The following PARD3B variants were observed in gnomAD, a reference collection of about 807,000 sequenced individuals.
PARD3B encodes the protein partitioning defective 3 homolog B.
In PARD3B, 103 loss-of-function variants were observed where a neutral mutation model predicts 130.2. That is an observed-to-expected ratio of 0.79 (90% confidence interval 0.67 to 0.93). The LOEUF is 0.93. Ranked by LOEUF, PARD3B falls within the 40% of genes least tolerant of loss-of-function variation. PARD3B has a pLI of 0.00. For missense variants in PARD3B, 1,609 were observed against 1,499.2 expected, an observed-to-expected ratio of 1.07 and a Z score of -1.21; for synonymous variants, 583 against 553.2, an observed-to-expected ratio of 1.05 and a Z score of -0.76.
chr2:204,562,165 T>C (rs2031359945), intron 1 of PARD3B, among the ~76,000 whole-genome samples: 1 of 152,176 alleles, frequency 6.6e-6, no homozygotes, highest in Non-Finnish European at 1.5e-5. Flanking sequence ...CTAAATTCTA[T>C]TTTGTTTCAC....
chr2:205,096,681 G>C (rs1339541973), intron 4 of PARD3B, among the ~76,000 whole-genome samples: 2 of 152,150 alleles, frequency 1.3e-5, no homozygotes, highest in African/African-American at 4.8e-5. Context: ...GAATGTGCAT[G>C]AGCACCCTGT....
chr2:205,056,937 G>A (rs889446814), intron 4 of PARD3B, among the ~76,000 whole-genome samples: 2 of 148,996 alleles, frequency 1.3e-5, no homozygotes, highest in African/African-American at 5.0e-5. Flanking sequence ...ATATATATTT[G>A]ACATTCAGCT....
intron 3 of PARD3B, among the ~76,000 whole-genome samples, chr2:204,998,366 G>A (rs1575519222): frequency 1.1e-5 from 1 of 93,966 alleles, no homozygotes; most frequent in Non-Finnish European, 2.2e-5. Flanking sequence ...ATATGTGTGT[G>A]TGTGTGTGTA....
intron 2 of PARD3B, among the ~76,000 whole-genome samples, chr2:204,828,055 G>A (rs900979087): frequency 6.6e-6 from 1 of 152,104 alleles, no homozygotes; most frequent in African/African-American, 2.4e-5. Context: ...GTCCAGTGTA[G>A]AGCGTAAAAT....
intron 13 of PARD3B, among the ~76,000 whole-genome samples, chr2:205,185,320 T>G (rs1314586013): frequency 6.6e-6 from 1 of 152,184 alleles, no homozygotes; most frequent in African/African-American, 2.4e-5. Flanking sequence ...ACAGATATAC[T>G]ATATCGTGAT....
At chr2:205,478,582 G>T (rs538669535) in intron 20 of PARD3B, among the ~76,000 whole-genome samples, 1 of 152,320 alleles carries the variant, frequency 6.6e-6, no homozygotes, top group South Asian at 2.1e-4. Context: ...GCATTTGGCA[G>T]TTCTCCCTTT....
chr2:205,272,705 C>T (rs2040778718), intron 16 of PARD3B, among the ~76,000 whole-genome samples: 1 of 152,118 alleles, frequency 6.6e-6, no homozygotes, highest in Non-Finnish European at 1.5e-5. Context: ...TGCTGCCCCT[C>T]CATGTGCCAG....
At chr2:204,927,393 T>C (rs1262315223) in intron 2 of PARD3B, among the ~76,000 whole-genome samples, 1 of 152,136 alleles carries the variant, frequency 6.6e-6, no homozygotes, top group East Asian at 1.9e-4. Context: ...GTCAACCATC[T>C]ATGAACCAGA....
At position 205,364,792 on chromosome 2, in the gene PARD3B, A is replaced by G. The variant is rs369495622; in HGVS notation, c.2631-36221A>G. Among the ~76,000 whole-genome samples, 13 of 152,328 alleles carry G rather than the reference A, an allele frequency of 8.5e-5. No homozygotes were observed. In the East Asian group the frequency reaches 2.5e-3, roughly 29 times the overall value. On this transcript the variant is annotated intron_variant, in intron 18 of 22. Transcript: ENST00000406610. ...GCTGTGACTACAATAATGGAGGCCT[A>G]CAATTAGTTTAATTACAATACCTAC...
At chr2:204,894,619 A>G (rs2125694944) in intron 2 of PARD3B, among the ~76,000 whole-genome samples, 2 of 152,214 alleles carry the variant, frequency 1.3e-5, no homozygotes, top group East Asian at 3.9e-4. Flanking sequence ...GCTGAATACA[A>G]ACATTTTGCA....
intron 20 of PARD3B, among the ~76,000 whole-genome samples, chr2:205,485,358 A>G (rs902490616): frequency 6.6e-6 from 1 of 152,214 alleles, no homozygotes; most frequent in African/African-American, 2.4e-5. Context: ...GAAAGTTTCA[A>G]TGTCCCATTT....
intron 1 of PARD3B, among the ~76,000 whole-genome samples, chr2:204,644,581 TAG>T (rs769453682): frequency 3.9e-5 from 6 of 152,074 alleles, no homozygotes; most frequent in Non-Finnish European, 2.9e-5. Context: ...TTTCCCTAGT[TAG>T]AGAGTTAGAA....
At chr2:205,228,298 T>G (rs945940343) in intron 15 of PARD3B, among the ~76,000 whole-genome samples, 2 of 152,182 alleles carry the variant, frequency 1.3e-5, no homozygotes, top group African/African-American at 4.8e-5. Flanking sequence ...CTGGTGTAGA[T>G]GAAATCCCTC....
intron 2 of PARD3B, among the ~76,000 whole-genome samples, chr2:204,706,428 G>A (rs974603000): frequency 6.6e-6 from 1 of 151,814 alleles, no homozygotes; most frequent in Non-Finnish European, 1.5e-5. Context: ...GATTTGAGAA[G>A]AAAATAAGGG....
chr2:204,699,047 C>T (rs1017337749), intron 2 of PARD3B, among the ~76,000 whole-genome samples: 1 of 152,088 alleles, frequency 6.6e-6, no homozygotes, highest in African/African-American at 2.4e-5. Flanking sequence ...AATACTCCAG[C>T]TTCCCCTTAG....
chr2:205,308,997 T>C (rs1188122673), intron 18 of PARD3B, among the ~76,000 whole-genome samples: 1 of 152,242 alleles, frequency 6.6e-6, no homozygotes, highest in Admixed American at 6.5e-5. Context: ...CTACACTGAA[T>C]TTTCAGCAGA....
chr2:205,124,730 T>C (rs2031181224), intron 9 of PARD3B, among the ~76,000 whole-genome samples: 1 of 152,194 alleles, frequency 6.6e-6, no homozygotes, highest in African/African-American at 2.4e-5. Flanking sequence ...CTCTTATTTC[T>C]ACCTCTTAGA....
chr2:204,597,929 C>T (rs1412676407), intron 1 of PARD3B, among the ~76,000 whole-genome samples: 1 of 152,108 alleles, frequency 6.6e-6, no homozygotes, highest in Non-Finnish European at 1.5e-5. Flanking sequence ...TTGTTTAGTC[C>T]AGTGTTTAAT....
intron 2 of PARD3B, among the ~76,000 whole-genome samples, chr2:204,913,984 G>A (rs1239979517): frequency 6.6e-6 from 1 of 152,190 alleles, no homozygotes; most frequent in Non-Finnish European, 1.5e-5. Context: ...TTTTGCGTGT[G>A]TGCCCTCAGT....
Sources: gnomAD v4.1 joint callset for allele counts (sites outside exome capture counted in the v4.1 genomes callset) on GRCh38, gnomAD v4.1.1 for gene constraint, MANE v1.5 for transcripts, NCBI Gene and HGNC (gene_info 2026-07-23, HGNC 2026-07-21) for gene names.